The following PPFIA1 variants were observed in gnomAD, a reference collection of about 807,000 sequenced individuals.
PPFIA1 encodes the protein PPFI scaffold protein A1.
In PPFIA1, 25 loss-of-function variants were observed where a neutral mutation model predicts 149.9. The ratio of observed to expected loss-of-function variants is 0.17; its 90% confidence interval spans 0.12 to 0.23. The LOEUF (loss-of-function observed/expected upper bound fraction) is 0.23. Ranked by LOEUF, PPFIA1 falls within the 10% of genes least tolerant of loss-of-function variation. PPFIA1 has a pLI of 1.00. For missense variants in PPFIA1, 1,362 were observed against 1,506.5 expected (o/e 0.90, Z 1.59); for synonymous variants, 549 against 552.8 (o/e 0.99, Z 0.10).
At chr11:70,327,090 C>T (rs1042980169) in intron 7 of PPFIA1, 1 of 397,470 alleles carries the variant, frequency 2.5e-6, no homozygotes, top group African/African-American at 2.1e-5. Flanking sequence ...GCCACACTGG[C>T]CTCTCCTACC....
chr11:70,292,936 A>T (rs2051633790), intron 2 of PPFIA1, among the ~76,000 whole-genome samples: 1 of 152,208 alleles, frequency 6.6e-6, no homozygotes, highest in Admixed American at 6.5e-5. Context: ...CTTGTCTCTC[A>T]GTTAGATCCC....
chr11:70,277,295 G>A (rs768930408), intron 2 of PPFIA1, among the ~76,000 whole-genome samples: 19 of 151,552 alleles, frequency 1.3e-4, no homozygotes, highest in Non-Finnish European at 2.5e-4. Context: ...GGATCCAGGC[G>A]TGAGCCACTA....
chr11:70,348,730 G>C (rs1371812460), intron 16 of PPFIA1, among the ~76,000 whole-genome samples: 1 of 151,864 alleles, frequency 6.6e-6, no homozygotes, highest in Admixed American at 6.6e-5. Flanking sequence ...AAGTAGCTGG[G>C]CCTGGTGGTG....
intron 2 of PPFIA1, among the ~76,000 whole-genome samples, chr11:70,292,473 C>T (rs1031813547): frequency 6.6e-6 from 1 of 152,228 alleles, no homozygotes; most frequent in African/African-American, 2.4e-5. Context: ...CCCTTGTTAC[C>T]TTTGTCACGT....
chr11:70,367,467 C>A (rs759512930), intron 21 of PPFIA1: 4 of 453,808 alleles, frequency 8.8e-6, no homozygotes, highest in South Asian at 6.2e-5. Context: ...CATGGAGCTC[C>A]CATTTTATGG....
At chr11:70,372,416 T>A in intron 22 of PPFIA1, 26 bp downstream of exon 22, 1 of 1,613,684 alleles carries the variant, frequency 6.2e-7, no homozygotes, top group Non-Finnish European at 8.5e-7. Context: ...TAGTTCTTAA[T>A]AATTGGCTAA....
intron 2 of PPFIA1, among the ~76,000 whole-genome samples, chr11:70,302,704 T>C (rs1025323735): frequency 6.6e-6 from 1 of 152,142 alleles, no homozygotes; most frequent in African/African-American, 2.4e-5. Context: ...TGTTGTGTTT[T>C]CTTGACTCAT....
chr11:70,325,327 G>A (rs2054196959), intron 4 of PPFIA1, among the ~76,000 whole-genome samples, 173 bp from the exon 5 acceptor site: 1 of 151,832 alleles, frequency 6.6e-6, no homozygotes, highest in Non-Finnish European at 1.5e-5. Context: ...TTAATTTAGA[G>A]CCATTAACAA....
chr11:70,370,043 C>T (rs2057152743), intron 21 of PPFIA1, among the ~76,000 whole-genome samples: 1 of 152,040 alleles, frequency 6.6e-6, no homozygotes. Flanking sequence ...CCTCCGCCTC[C>T]TGGTTCAAGC....
intron 25 of PPFIA1, 65 bp from the exon 26 acceptor site, chr11:70,377,965 G>A: frequency 7.7e-7 from 1 of 1,293,652 alleles, no homozygotes; most frequent in South Asian, 1.3e-5. Flanking sequence ...TAAAGGACAT[G>A]TAACTTTACA....
rs67278091 is a variant in PPFIA1 at position 70,277,059 on chromosome 11, TA to T, written c.264+4624del. Reference sequence around the variant, plus strand: ...TGAGATATATATATATATATATATATATTTTTTTTTTTCCAGGCACAGTCTC... The same window carrying T: ...TGAGATATATATATATATATATATATTTTTTTTTTTTCCAGGCACAGTCTC... On this transcript the variant is annotated intron_variant, in intron 2 of 27. Transcript: ENST00000253925. Among the ~76,000 whole-genome samples, 160 of 44,764 alleles carry T rather than the reference TA, an allele frequency of 3.6e-3. 3 individuals are homozygous for T. The highest frequency in any genetic ancestry group is 0.012 in the African/African-American group (134 of 10,788). The allele number at this position is 44,764 out of a possible 152,430, so 29.4% of individuals were successfully genotyped here. A position where few individuals can be genotyped will look rare whatever the true frequency, so the allele number is the denominator to read the frequency against.
In PPFIA1 at chr11:70,356,226, G is replaced by C. The variant is rs1025987592; in HGVS notation, c.2554G>C (p.Ala852Pro). ...ALGLSKLGGQ[A>P]EKNRKLQKKH... ...GGGACTTAGCAAATTGGGGGGACAG[G>C]CTGAAAAAAATCGTAAACTTCAAAA... The change falls in exon 19 of 28, where the codon GCT becomes CCT. Residue 852 changes from alanine (A) to proline (P), a missense_variant. By Grantham distance (27) the Ala-to-Pro change is conservative. Around this residue, in one of 7 missense-constraint regions of PPFIA1, gnomAD observed 91 missense variants for 91.2 expected, o/e 1.00. Transcript: ENST00000253925. 10 of 1,613,400 alleles carry C rather than the reference G, an allele frequency of 6.2e-6. No homozygotes were observed. Among genetic ancestry groups the C allele is most frequent in the Middle Eastern group, 3.3e-4 (2 of 6,080 alleles).
At chr11:70,292,361 G>A (rs2051593006) in intron 2 of PPFIA1, among the ~76,000 whole-genome samples, 1 of 152,228 alleles carries the variant, frequency 6.6e-6, no homozygotes, top group Admixed American at 6.5e-5. Context: ...CCTCCCCTGT[G>A]TGGATTCCCA....
rs184323024 is a variant in PPFIA1, at chr11:70,378,212, A to G, written c.3550+17A>G. The G allele has an allele frequency of 4.8e-4, 777 of 1,605,738 alleles. 7 individuals carry two copies. The East Asian group carries it at 0.016, about 34-fold the overall frequency. On this transcript the variant is annotated intron_variant, in intron 26 of 27. Transcript: ENST00000253925. ...AGATGGACGGTATGTGATGGGTCAC[A>G]CTAACCTGTCACTTGTTGGGAGCAT...
intron 10 of PPFIA1, among the ~76,000 whole-genome samples, chr11:70,333,831 G>A (rs140106726): frequency 1.5e-3 from 225 of 152,222 alleles, no homozygotes; most frequent in African/African-American, 5.2e-3. Context: ...CTTGTCTAGC[G>A]GCCTATCAGG....
At chr11:70,372,117 G>T in intron 21 of PPFIA1, 98 bp from the exon 22 acceptor site, 1 of 1,057,662 alleles carries the variant, frequency 9.5e-7, no homozygotes. Context: ...TTTAGCCTTT[G>T]AGAATATAGG....
intron 14 of PPFIA1, among the ~76,000 whole-genome samples, chr11:70,343,268 C>T (rs1463653350): frequency 6.6e-6 from 1 of 152,184 alleles, no homozygotes; most frequent in African/African-American, 2.4e-5. Context: ...GTAATGTTAA[C>T]TTTAGTCACC....
At chr11:70,367,240 C>T (rs1057295014) in intron 21 of PPFIA1, among the ~76,000 whole-genome samples, 1 of 152,210 alleles carries the variant, frequency 6.6e-6, no homozygotes, top group Non-Finnish European at 1.5e-5. Flanking sequence ...TATCACTTTT[C>T]CCTCCTTCCT....
At chr11:70,333,836 A>G (rs2054813543) in intron 10 of PPFIA1, among the ~76,000 whole-genome samples, 1 of 152,162 alleles carries the variant, frequency 6.6e-6, no homozygotes, top group Admixed American at 6.5e-5. Context: ...CTAGCGGCCT[A>G]TCAGGGGAAC....
Sources: gnomAD v4.1 joint callset for allele counts (sites outside exome capture counted in the v4.1 genomes callset) on GRCh38, gnomAD v4.1.1 for gene constraint, gnomAD v4.1.1 regional missense constraint, MANE v1.5 for transcripts, NCBI Gene and HGNC (gene_info 2026-07-23, HGNC 2026-07-21) for gene names.